Variants in CPAMD8 observed in about 807,000 individuals in gnomAD.
The protein encoded by CPAMD8 is C3 and PZP-like alpha-2-macroglobulin domain-containing protein 8.
A neutral mutation model predicts 224.7 loss-of-function variants in CPAMD8; 146 were observed. The observed-to-expected ratio is 0.65, with a 90% CI of 0.57 to 0.75. The LOEUF is 0.75. Ranked by LOEUF, CPAMD8 falls within the 30% of genes least tolerant of loss-of-function variation. The probability of loss-of-function intolerance (pLI) is 0.00; values close to 1 mark genes in which losing one functional copy is unlikely to be tolerated. For missense variants in CPAMD8, 2,301 were observed against 2,537.5 expected (o/e 0.91, Z 2.00); for synonymous variants, 966 against 1,044.6 (o/e 0.92, Z 1.45).
chr19:16,973,626 GGC>G (rs1234777384), intron 17 of CPAMD8, among the ~76,000 whole-genome samples: 2 of 152,008 alleles, frequency 1.3e-5, no homozygotes, highest in African/African-American at 4.8e-5. Context: ...TGGGATTACA[GGC>G]GTGAGACACC....
Position 16,898,432 on chromosome 19 carries a change from G to A in CPAMD8, c.4849-438C>T, listed in dbSNP as rs1020780495. On this transcript the variant is annotated intron_variant, in intron 37 of 41. Transcript: ENST00000443236. The surrounding 1 kb of genome is among the most constrained non-coding windows in gnomAD (Gnocchi z 4.2). ...ATTCTTTGGGTCCTTCCATCCCACT[G>A]GGAAAACGTCTCAGGTGGCCTCTGA... is the stretch of plus-strand genomic sequence containing the variant. 6.6e-6 allele frequency among the ~76,000 whole-genome samples: 1 copy of A among 152,030 alleles called. No individual in the cohort carries two copies. Among genetic ancestry groups the A allele is most frequent in the African/African-American group, 2.4e-5 (1 of 41,382 alleles).
In CPAMD8 at chr19:16,947,079, ATGT is replaced by A; in HGVS notation, c.2654_2656del (p.Asn885del). 1.9e-6 allele frequency: 3 copies of A among 1,607,026 alleles called. No individual in the cohort carries two copies. The highest frequency in any genetic ancestry group is 2.6e-6 in the Non-Finnish European group (3 of 1,176,082). On this transcript the variant is annotated inframe_deletion, in exon 21 of 42. Coordinates refer to ENST00000443236, the MANE Select transcript of CPAMD8 (RefSeq NM_015692.5). ...AAGAACTGTGGGGTCCTCACCCGTGATGTTGTTGAGTCCCAGGTCGCTGAAGGA... is the reference window on the plus strand; with the variant it reads ...AAGAACTGTGGGGTCCTCACCCGTGATGTTGAGTCCCAGGTCGCTGAAGGA...
At chr19:16,975,589 C>T (rs2055237463) in intron 16 of CPAMD8, among the ~76,000 whole-genome samples, 1 of 151,970 alleles carries the variant, frequency 6.6e-6, no homozygotes, top group African/African-American at 2.4e-5. Flanking sequence ...ATGCCTGTAG[C>T]CCCAGCTACT....
chr19:16,905,830 G>A (rs1284879508), intron 30 of CPAMD8, among the ~76,000 whole-genome samples: 1 of 152,178 alleles, frequency 6.6e-6, no homozygotes, highest in East Asian at 1.9e-4. Context: ...GAAGTAGGAG[G>A]AGACTAAGTT....
intron 16 of CPAMD8, among the ~76,000 whole-genome samples, chr19:16,975,534 C>T (rs2055234211): frequency 2.6e-5 from 4 of 152,026 alleles, no homozygotes; most frequent in Admixed American, 6.6e-5. Flanking sequence ...TAGCAAGACC[C>T]CGCCCCTACA....
At chr19:16,952,972 C>A (rs1400886772) in intron 19 of CPAMD8, among the ~76,000 whole-genome samples, 1 of 152,052 alleles carries the variant, frequency 6.6e-6, no homozygotes, top group African/African-American at 2.4e-5. Context: ...TCAAAACTTA[C>A]CACAAAGCTA....
chr19:16,972,886 T>C (rs1417351953), intron 17 of CPAMD8, among the ~76,000 whole-genome samples: 1 of 152,204 alleles, frequency 6.6e-6, no homozygotes, highest in African/African-American at 2.4e-5. Flanking sequence ...AAGGTTTATT[T>C]TGCCAGGTAC....
In CPAMD8 at chr19:17,020,318, A is replaced by C. The variant is rs369024153; in HGVS notation, c.267+13T>G. The C allele has an allele frequency of 1.3e-4, 199 of 1,577,010 alleles. No homozygotes were observed. In the African/African-American group the frequency reaches 2.4e-3, roughly 19 times the overall value. ...CAAGGTCAGGTTTATGATTTTAAAA[A>C]TCAACGGCTTACCTTGAGTTTGATT... is the stretch of plus-strand genomic sequence containing the variant. On this transcript the variant is annotated intron_variant, in intron 3 of 41. Coordinates refer to ENST00000443236, the MANE Select transcript of CPAMD8 (RefSeq NM_015692.5).
chr19:16,976,018 C>G lies in CPAMD8; in HGVS notation c.1892G>C (p.Arg631Pro), dbSNP rs759959118. The G allele has an allele frequency of 5.6e-5, 90 of 1,596,782 alleles. No homozygotes were observed. Among genetic ancestry groups the G allele is most frequent in the Non-Finnish European group, 7.0e-5 (82 of 1,170,850 alleles). Residue 631 changes from arginine to proline, a missense_variant, in exon 16 of 42, where the codon CGG (arginine) becomes CCG (proline). Coordinates refer to ENST00000443236, the MANE Select transcript of CPAMD8 (RefSeq NM_015692.5). Reference sequence around the variant, plus strand: ...TCTGCTCACCTGGGCAGGAGTCAGCCGGAACCCAGACCTGAGCAGGTAGAC... The same window carrying G: ...TCTGCTCACCTGGGCAGGAGTCAGCGGGAACCCAGACCTGAGCAGGTAGAC... ...KSVYLLRSGF[R>P]LTPAQVFQEL...
chr19:16,983,957 C>T (rs941672798), intron 13 of CPAMD8, among the ~76,000 whole-genome samples: 3 of 152,016 alleles, frequency 2.0e-5, no homozygotes, highest in Non-Finnish European at 2.9e-5. Context: ...AAACTTACTA[C>T]AAAGCTACAG....
At chr19:17,013,979 C>G (rs1211573728) in intron 3 of CPAMD8, among the ~76,000 whole-genome samples, 2 of 135,488 alleles carry the variant, frequency 1.5e-5, no homozygotes, top group African/African-American at 5.1e-5. Flanking sequence ...TTCCTTCCAT[C>G]CTTCCTACAC....
At position 16,989,714 on chromosome 19, in the gene CPAMD8, G is replaced by C; in HGVS notation, c.1324C>G (p.Leu442Val). The C allele has an allele frequency of 6.2e-7, 1 of 1,614,062 alleles. No homozygotes were observed. The highest frequency in any genetic ancestry group is 1.1e-5 in the South Asian group (1 of 91,084). ...PVGAQYLPSY[L>V]SLGSWYSPSQ... ...GGGGAGTACCAGCTGCCGAGGGAGAGGTAGCTGGGCAGGTACTGAGCCCCC... is the reference window on the plus strand; with the variant it reads ...GGGGAGTACCAGCTGCCGAGGGAGACGTAGCTGGGCAGGTACTGAGCCCCC... The change falls in exon 13 of 42, where the codon CTC becomes GTC. Residue 442 changes from leucine (L) to valine (V), a missense_variant. Transcript: ENST00000443236.
At chr19:17,000,160 C>G (rs2056263619) in intron 10 of CPAMD8, 1 of 371,650 alleles carries the variant, frequency 2.7e-6, no homozygotes, top group East Asian at 4.1e-5. Context: ...TGCCATATAA[C>G]TGTTTTAGAA....
chr19:17,010,717 G>A (rs770510631), intron 5 of CPAMD8, among the ~76,000 whole-genome samples: 7 of 152,164 alleles, frequency 4.6e-5, no homozygotes, highest in South Asian at 2.1e-4. Flanking sequence ...GAGAGAGAGC[G>A]CTAGAAAGAA....
At chr19:16,980,790 G>T in intron 13 of CPAMD8, 104 bp from the exon 14 acceptor site, 1 of 882,018 alleles carries the variant, frequency 1.1e-6, no homozygotes. Context: ...GGATGGCTGA[G>T]GGAGCGGAGT....
chr19:16,961,272 G>A (rs547863558), intron 18 of CPAMD8, among the ~76,000 whole-genome samples: 4 of 152,218 alleles, frequency 2.6e-5, no homozygotes, highest in African/African-American at 4.8e-5. Context: ...AAGGGAAGCC[G>A]GGATAGACTG....
chr19:16,961,381 G>A (rs992971071), intron 18 of CPAMD8, among the ~76,000 whole-genome samples: 12 of 152,270 alleles, frequency 7.9e-5, no homozygotes, highest in African/African-American at 1.2e-4. Context: ...CTGGCTGGGC[G>A]GGTCCCACGC....
At chr19:16,949,316 G>A (rs986773380) in intron 20 of CPAMD8, among the ~76,000 whole-genome samples, 8 of 152,156 alleles carry the variant, frequency 5.3e-5, no homozygotes, top group Admixed American at 3.3e-4. Flanking sequence ...GACATCTGGG[G>A]ATTCTGCTCA....
At chr19:16,979,379 T>TTTTG (rs2055412103) in intron 14 of CPAMD8, among the ~76,000 whole-genome samples, 1 of 97,008 alleles carries the variant, frequency 1.0e-5, no homozygotes, top group Non-Finnish European at 2.0e-5. Context: ...TCCATCCATC[T>TTTTG]GTCCATTCAT....
Sources: allele counts gnomAD v4.1 joint callset (sites outside exome capture counted in the v4.1 genomes callset), GRCh38; gene constraint gnomAD v4.1.1; non-coding constraint Gnocchi (gnomAD v3.1); transcripts MANE v1.5; gene names NCBI Gene and HGNC (gene_info 2026-07-23, HGNC 2026-07-21).